The following PLCB4 variants were observed in gnomAD, a reference collection of about 807,000 sequenced individuals.
PLCB4 encodes the protein phospholipase C beta 4.
A neutral mutation model predicts 178.8 loss-of-function variants in PLCB4; 77 were observed. The observed-to-expected ratio is 0.43, with a 90% CI of 0.36 to 0.52. The LOEUF (loss-of-function observed/expected upper bound fraction) is 0.52. PLCB4 is among the 20% of genes least tolerant of loss of function. The pLI is 0.00. For missense variants in PLCB4, 1,024 were observed against 1,453.4 expected (o/e 0.70, Z 4.80); for synonymous variants, 496 against 490.8 (o/e 1.01, Z -0.14).
intron 2 of PLCB4, among the ~76,000 whole-genome samples, chr20:9,203,592 T>C (rs2147200359): frequency 6.6e-6 from 1 of 152,254 alleles, no homozygotes; most frequent in South Asian, 2.1e-4. Context: ...GTTTCAGGAA[T>C]GTGATAGGCA....
At chr20:9,077,705 G>T (rs1449529412) in intron 1 of PLCB4, among the ~76,000 whole-genome samples, 2 of 152,132 alleles carry the variant, frequency 1.3e-5, no homozygotes, top group Non-Finnish European at 2.9e-5. Flanking sequence ...TCCCAGCAGG[G>T]ACATGTCCAT....
At chr20:9,192,102 A>G (rs938156457) in intron 2 of PLCB4, among the ~76,000 whole-genome samples, 2 of 152,138 alleles carry the variant, frequency 1.3e-5, no homozygotes, top group Non-Finnish European at 2.9e-5. Flanking sequence ...ATAATTGTGT[A>G]TTTAAACAGT....
intron 35 of PLCB4, among the ~76,000 whole-genome samples, chr20:9,466,759 C>T (rs1009434948): frequency 1.8e-4 from 27 of 152,102 alleles, no homozygotes; most frequent in African/African-American, 5.1e-4. Context: ...GAATGGCGAT[C>T]ATTAAAAAGT....
intron 2 of PLCB4, among the ~76,000 whole-genome samples, chr20:9,200,607 T>G (rs2093531377): frequency 6.6e-6 from 1 of 152,220 alleles, no homozygotes; most frequent in Non-Finnish European, 1.5e-5. Flanking sequence ...CTTTTACCTT[T>G]CTGATTTCAT....
intron 35 of PLCB4, among the ~76,000 whole-genome samples, chr20:9,464,558 A>G (rs1481728914): frequency 2.0e-5 from 3 of 152,172 alleles, no homozygotes; most frequent in African/African-American, 4.8e-5. Flanking sequence ...AAGAAAAGAG[A>G]GAAGAATAAA....
At chr20:9,249,912 T>C (rs748718543) in intron 3 of PLCB4, among the ~76,000 whole-genome samples, 1 of 152,188 alleles carries the variant, frequency 6.6e-6, no homozygotes, top group Non-Finnish European at 1.5e-5. Context: ...AAATATTTTT[T>C]GAGCAAATGA....
At chr20:9,337,898 A>T (rs1022053085) in intron 5 of PLCB4, 110 bp from the exon 6 acceptor site, 1 of 686,286 alleles carries the variant, frequency 1.5e-6, no homozygotes, top group Non-Finnish European at 2.7e-6. Flanking sequence ...CTTCAAGCTG[A>T]CTGTAATCAG....
chr20:9,440,027 T>A (rs144461287), intron 30 of PLCB4, among the ~76,000 whole-genome samples: 123 of 152,356 alleles, frequency 8.1e-4, no homozygotes, highest in African/African-American at 2.7e-3. Context: ...AGCTAAAGTG[T>A]CATTGGCTGG....
intron 2 of PLCB4, among the ~76,000 whole-genome samples, chr20:9,187,441 T>C (rs541452727): frequency 1.3e-5 from 2 of 152,354 alleles, no homozygotes; most frequent in Non-Finnish European, 2.9e-5. Context: ...TTCTGTCTTC[T>C]GTTTTCGTGG....
intron 3 of PLCB4, among the ~76,000 whole-genome samples, chr20:9,230,589 A>T (rs566014131): frequency 6.6e-6 from 1 of 152,302 alleles, no homozygotes; most frequent in African/African-American, 2.4e-5. Context: ...CCCCTCATTT[A>T]ACTCACAATT....
chr20:9,315,995 C>G (rs2094894816), intron 4 of PLCB4, among the ~76,000 whole-genome samples: 1 of 151,942 alleles, frequency 6.6e-6, no homozygotes, highest in Non-Finnish European at 1.5e-5. Context: ...GAAAAGCATT[C>G]CAAGACATGG....
rs199733882 is a variant in PLCB4 at position 9,090,225 on chromosome 20, A to G, written c.-134-6062A>G. On this transcript the variant is annotated intron_variant, in intron 1 of 39. Coordinates refer to ENST00000378473, the MANE Select transcript of PLCB4 (RefSeq NM_001377142.1). The stretch of plus-strand genomic sequence containing the variant: ...TGTTATTTAATTGAGAATACTATTT[A>G]TGTGTGTGTGTGTGTGTGTGTGTCT... 4.4e-3 allele frequency among the ~76,000 whole-genome samples: 654 copies of G among 149,530 alleles called. 6 individuals carry two copies. The highest frequency in any genetic ancestry group is 0.013 in the African/African-American group (547 of 40,784).
intron 7 of PLCB4, among the ~76,000 whole-genome samples, chr20:9,354,496 T>A (rs1376892047): frequency 6.6e-6 from 1 of 152,164 alleles, no homozygotes; most frequent in Non-Finnish European, 1.5e-5. Flanking sequence ...AAATGCAGAT[T>A]ACTGGGCCCT....
chr20:9,471,181 G>C (rs917945331), intron 36 of PLCB4, among the ~76,000 whole-genome samples: 4 of 152,072 alleles, frequency 2.6e-5, no homozygotes, highest in African/African-American at 9.7e-5. Context: ...ATATAGCCTA[G>C]ATGCATATAT....
intron 7 of PLCB4, among the ~76,000 whole-genome samples, chr20:9,342,520 A>T (rs1458542188): frequency 6.6e-6 from 1 of 152,186 alleles, no homozygotes; most frequent in African/African-American, 2.4e-5. Context: ...ATCATTTTTT[A>T]AAATTAATTC....
chr20:9,212,604 A>C (rs1308899882), intron 2 of PLCB4, among the ~76,000 whole-genome samples: 1 of 152,186 alleles, frequency 6.6e-6, no homozygotes, highest in Non-Finnish European at 1.5e-5. Flanking sequence ...TTTACAGTAA[A>C]ATATTGGTGT....
chr20:9,098,823 C>G (rs2091028744), intron 2 of PLCB4, among the ~76,000 whole-genome samples: 1 of 146,572 alleles, frequency 6.8e-6, no homozygotes, highest in African/African-American at 2.5e-5. Flanking sequence ...GCCACATACT[C>G]CAGGTCTTTT....
At chr20:9,458,299 G>A (rs1209454418) in intron 34 of PLCB4, among the ~76,000 whole-genome samples, 3 of 152,190 alleles carry the variant, frequency 2.0e-5, no homozygotes, top group African/African-American at 4.8e-5. Context: ...AGGCAGTAAG[G>A]CATGTGTCTT....
At position 9,330,487 on chromosome 20, in the gene PLCB4, C is replaced by T. The variant is rs149656398; in HGVS notation, c.85-6639C>T. 5.6e-3 allele frequency among the ~76,000 whole-genome samples: 859 copies of T among 152,254 alleles called. 4 individuals carry two copies. Among genetic ancestry groups the T allele is most frequent in the Admixed American group, 9.5e-3 (145 of 15,278 alleles). The stretch of plus-strand genomic sequence containing the variant: ...ATCTTCTGGCGATAGGCAGAGGGGC[C>T]CTGCTTGGTCAAGTTTGCCCAAGTC... On this transcript the variant is annotated intron_variant, in intron 4 of 39. Coordinates refer to ENST00000378473, the MANE Select transcript of PLCB4 (RefSeq NM_001377142.1).
Sources: gnomAD v4.1 joint callset for allele counts (sites outside exome capture counted in the v4.1 genomes callset) on GRCh38, gnomAD v4.1.1 for gene constraint, MANE v1.5 for transcripts, NCBI Gene and HGNC (gene_info 2026-07-23, HGNC 2026-07-21) for gene names.